The following PHC2 variants were observed in gnomAD, a reference collection of about 807,000 sequenced individuals.
The protein encoded by PHC2 is polyhomeotic homolog 2, also known as polyhomeotic-like protein 2.
A neutral mutation model predicts 87.4 loss-of-function variants in PHC2; 29 were observed. The observed-to-expected ratio is 0.33, with a 90% CI of 0.25 to 0.45. The LOEUF is 0.45. PHC2 is among the 20% of genes least tolerant of loss of function. The pLI, the probability that PHC2 is intolerant of heterozygous loss-of-function variation, is 1.00. For missense variants in PHC2, 857 were observed against 1,136.7 expected (o/e 0.75, Z 3.54); for synonymous variants, 438 against 461.7 (o/e 0.95, Z 0.66).
chr1:33,411,899 T>C (rs1649998842), intron 1 of PHC2, among the ~76,000 whole-genome samples: 2 of 152,120 alleles, frequency 1.3e-5, no homozygotes, highest in African/African-American at 4.8e-5. Context: ...TTTGACAAAA[T>C]TCAATACTCA....
chr1:33,358,009 CTCT>C (rs1279090232), intron 7 of PHC2, among the ~76,000 whole-genome samples: 37 of 152,150 alleles, frequency 2.4e-4, no homozygotes, highest in Non-Finnish European at 1.2e-4. Context: ...AGACAAGGTA[CTCT>C]TCTTTCTCAG....
chr1:33,349,443 C>G lies in PHC2; in HGVS notation c.1558+4958G>C. ...GCTGGGGAGCAGGGCACCTCCCAGG[C>G]GCCGCGCGGACGAGAGCCGCGACTG... On this transcript the variant is annotated intron_variant, in intron 9 of 14. Transcript: ENST00000683057. The surrounding 1 kb of genome is among the most constrained non-coding windows in gnomAD (Gnocchi z 4.2). 1.0e-6 allele frequency: 1 copy of G among 985,216 alleles called. No homozygotes were observed. The highest frequency in any genetic ancestry group is 1.2e-6 in the Non-Finnish European group (1 of 829,846). 61.0% of individuals were successfully genotyped at this position (985,216 alleles called of 1,614,324 possible).
At chr1:33,390,238 T>C (rs1557843100) in intron 1 of PHC2, among the ~76,000 whole-genome samples, 1 of 152,244 alleles carries the variant, frequency 6.6e-6, no homozygotes, top group African/African-American at 2.4e-5. Flanking sequence ...AACTTTTTAC[T>C]GGACATCAGA....
At chr1:33,391,830 C>T (rs960770006) in intron 1 of PHC2, among the ~76,000 whole-genome samples, 1 of 152,042 alleles carries the variant, frequency 6.6e-6, no homozygotes, top group African/African-American at 2.4e-5. Context: ...CATGAGGAGT[C>T]GTTAATCTGG....
chr1:33,428,808 G>A (rs74825531), intron 1 of PHC2, among the ~76,000 whole-genome samples: 353 of 152,316 alleles, frequency 2.3e-3, no homozygotes, highest in Non-Finnish European at 4.0e-3. Flanking sequence ...GAACAGAAAG[G>A]AGGAGGCATT....
intron 1 of PHC2, among the ~76,000 whole-genome samples, chr1:33,393,463 G>GTT (rs36030279): frequency 0.31 from 41,078 of 130,880 alleles, 6,739 homozygotes; most frequent in South Asian, 0.35. Flanking sequence ...TTTTCAAGAG[G>GTT]TTTTTTTTTT....
At position 33,368,187 on chromosome 1, in the gene PHC2, A is replaced by G. The variant is rs1290281807; in HGVS notation, c.663+349T>C. Among the ~76,000 whole-genome samples, 3 of 152,198 alleles carry G rather than the reference A, an allele frequency of 2.0e-5. No homozygotes were observed. The highest frequency in any genetic ancestry group is 4.4e-5 in the Non-Finnish European group (3 of 68,032). ...GAGTCCTAGCAGCACTACCGTGTGT[A>G]ACCGGAGCGGGACTTTCCACTTATG... is the stretch of plus-strand genomic sequence containing the variant. On this transcript the variant is annotated intron_variant, in intron 6 of 14. Transcript: ENST00000683057. The surrounding 1 kb of genome is among the most constrained non-coding windows in gnomAD (Gnocchi z 6.6).
In PHC2 at chr1:33,329,156, G is replaced by A. The variant is rs770353675; in HGVS notation, c.2149-10C>T. ...GCACAGTGCCTGTTGGCTGGGAGCA[G>A]AGAGTTTTCTTCAGGATGGGGGAAC... On this transcript the variant is annotated splice_polypyrimidine_tract_variant and intron_variant, in intron 13 of 14. Transcript: ENST00000683057. 30 of 1,607,692 alleles carry A rather than the reference G, an allele frequency of 1.9e-5. No individual in the cohort carries two copies. Among genetic ancestry groups the A allele is most frequent in the African/African-American group, 4.0e-5 (3 of 74,862 alleles).
intron 1 of PHC2, among the ~76,000 whole-genome samples, chr1:33,414,176 G>GTCTC (rs1553190145): frequency 3.1e-5 from 2 of 65,016 alleles, no homozygotes; most frequent in Non-Finnish European, 7.3e-5. Flanking sequence ...CTCTCTCTCT[G>GTCTC]TCACACACAC....
intron 1 of PHC2, among the ~76,000 whole-genome samples, chr1:33,404,305 T>C (rs780669637): frequency 2.5e-4 from 38 of 152,278 alleles, no homozygotes; most frequent in South Asian, 8.3e-4. Context: ...TAGGAAAAGG[T>C]TGAAAATGAG....
In PHC2 at chr1:33,360,369, G is replaced by A. The variant is rs150440843; in HGVS notation, c.977-5116C>T. 2.3e-3 allele frequency among the ~76,000 whole-genome samples: 346 copies of A among 152,360 alleles called. 2 individuals are homozygous for A. The highest frequency in any genetic ancestry group is 3.4e-3 in the Middle Eastern group (1 of 294). On this transcript the variant is annotated intron_variant, in intron 7 of 14. Coordinates refer to ENST00000683057, the MANE Select transcript of PHC2 (RefSeq NM_001385109.1). ...TTATCTGCATCTCTGCCCCTACCCT[G>A]CCCTTGGCAGAGGATGGCAGGATAG...
intron 1 of PHC2, among the ~76,000 whole-genome samples, chr1:33,380,171 T>C (rs1356151585): frequency 6.6e-6 from 1 of 152,202 alleles, no homozygotes; most frequent in East Asian, 1.9e-4. Context: ...ATGTAAAGGA[T>C]AGAGAAGGAA....
At chr1:33,418,408 G>T (rs1314482073) in intron 1 of PHC2, among the ~76,000 whole-genome samples, 12 of 151,960 alleles carry the variant, frequency 7.9e-5, no homozygotes, top group Non-Finnish European at 1.8e-4. Context: ...ACCAGTGATA[G>T]GAATGAAAGA....
rs761503901 is a variant in PHC2, at chr1:33,334,042, C to T, written c.1761+48G>A. On this transcript the variant is annotated intron_variant, in intron 10 of 14. Transcript: ENST00000683057. The surrounding 1 kb of genome is among the most constrained non-coding windows in gnomAD (Gnocchi z 5.5). ...GGAAATGTAAAAATATTCTAAGACA[C>T]ATCCAAAATATACTTAAAAAAAAAA... 5 of 1,465,054 alleles carry T rather than the reference C, an allele frequency of 3.4e-6. No homozygotes were observed. In the South Asian group the frequency reaches 3.6e-5, roughly 11 times the overall value. 90.8% of individuals were successfully genotyped at this position (1,465,054 alleles called of 1,614,324 possible). A position where few individuals can be genotyped will look rare whatever the true frequency, so the allele number is the denominator to read the frequency against.
intron 1 of PHC2, among the ~76,000 whole-genome samples, chr1:33,401,144 G>A (rs71647928): frequency 3.9e-4 from 60 of 152,074 alleles, no homozygotes; most frequent in Non-Finnish European, 7.6e-4. Flanking sequence ...GGCTAACATG[G>A]TGAAACCCCG....
intron 1 of PHC2, among the ~76,000 whole-genome samples, chr1:33,400,309 T>TATTTTA (rs1482485488): frequency 6.6e-6 from 1 of 152,244 alleles, no homozygotes; most frequent in Admixed American, 6.5e-5. Flanking sequence ...TCCCCCAAGT[T>TATTTTA]ATTTTAAGAT....
intron 1 of PHC2, among the ~76,000 whole-genome samples, chr1:33,424,085 G>A (rs1570517656): frequency 7.1e-6 from 1 of 139,990 alleles, no homozygotes; most frequent in Non-Finnish European, 1.5e-5. Flanking sequence ...TCGACAGAAC[G>A]AGACTCCGTC....
intron 8 of PHC2, 133 bp from the exon 9 acceptor site, chr1:33,354,699 G>A (rs1008525980): frequency 2.3e-6 from 3 of 1,296,670 alleles, no homozygotes; most frequent in African/African-American, 2.9e-5. Flanking sequence ...ATTGGGGAAG[G>A]CCCTCTCTTC....
At chr1:33,353,544 A>C (rs1170349047) in intron 9 of PHC2, 3 of 152,230 alleles carry the variant, frequency 2.0e-5, no homozygotes, top group Non-Finnish European at 4.4e-5. Flanking sequence ...TGTTCCCTAT[A>C]GAACCTTCGT....
Sources: allele counts gnomAD v4.1 joint callset (sites outside exome capture counted in the v4.1 genomes callset), GRCh38; gene constraint gnomAD v4.1.1; non-coding constraint Gnocchi (gnomAD v3.1); transcripts MANE v1.5; gene names NCBI Gene and HGNC (gene_info 2026-07-23, HGNC 2026-07-21).